CACNA1F: variants seen among roughly 807,000 people sequenced by gnomAD.
The protein encoded by CACNA1F is calcium voltage-gated channel subunit alpha1 F, also known as voltage-dependent L-type calcium channel subunit alpha-1F.
Under a neutral mutation model 143.8 loss-of-function variants are expected in CACNA1F, and 59 were observed. The observed-to-expected ratio is 0.41, with a 90% CI of 0.33 to 0.51. The LOEUF (loss-of-function observed/expected upper bound fraction) is 0.51. CACNA1F is among the 20% of genes least tolerant of loss of function. CACNA1F has a pLI of 0.22. For synonymous variants in CACNA1F, 643 were observed against 649.1 expected (o/e 0.99, Z 0.14); for missense variants, 1,411 against 1,647.5 (o/e 0.86, Z 2.48).
At position 49,222,912 on chromosome X, in the gene CACNA1F, T is replaced by C. The variant is rs967656373; in HGVS notation, c.2085+17A>G. On this transcript the variant is annotated intron_variant, in intron 15 of 47. Transcript: ENST00000323022. ...GGGTCTCCCCGACCCACCCATCCCA[T>C]GGTCTCCAGATCCTACCTGAAAGAC... 3.9e-6 allele frequency: 2 copies of C among 511,587 alleles called. No homozygotes were observed. Among genetic ancestry groups the C allele is most frequent in the African/African-American group, 4.9e-5 (2 of 40,574 alleles). The allele number at this position is 511,587 out of a possible 1,213,427, so 42.2% of individuals were successfully genotyped here.
At chrX:49,225,009 G>T in intron 13 of CACNA1F, 23 bp from the exon 14 acceptor site, 1 of 1,066,815 alleles carries the variant, frequency 9.4e-7, no homozygotes, top group Non-Finnish European at 1.3e-6. Context: ...AGGCAGGGAT[G>T]ATCGGGCTGG....
At chrX:49,221,282 C>A (rs2904024) in intron 17 of CACNA1F, among the ~76,000 whole-genome samples, 17 of 111,911 alleles carry the variant, frequency 1.5e-4, no homozygotes, top group Non-Finnish European at 5.7e-5. Context: ...AACCCTCCCA[C>A]GTCTCCTTAA....
intron 2 of CACNA1F, 51 bp downstream of exon 2, chrX:49,231,627 G>A: frequency 8.4e-7 from 1 of 1,197,163 alleles, no homozygotes; most frequent in Non-Finnish European, 1.1e-6. Flanking sequence ...CTTTACTCCT[G>A]GTACCCTGAT....
In CACNA1F at chrX:49,218,484, G is replaced by A. The variant is rs1557107966; in HGVS notation, c.2899C>T (p.Arg967Ter). Reference sequence around the variant, plus strand: ...AGTCCCTTGGCCCTGTTGATGGCTCGGAGGGGCCGCAGTACTCGGAGTACT... The same window carrying A: ...AGTCCCTTGGCCCTGTTGATGGCTCAGAGGGGCCGCAGTACTCGGAGTACT... ...LRVLRVLRPL[R>*]AINRAKGLKH... The change falls in exon 24 of 48, where the codon CGA (arginine) becomes TGA (stop). Residue 967 changes from arginine to a stop codon, truncating the protein, a stop_gained. Transcript: ENST00000323022. LOFTEE classifies it high-confidence loss of function. 3.4e-6 allele frequency: 4 copies of A among 1,183,972 alleles called. No individual in the cohort carries two copies. The highest frequency in any genetic ancestry group is 3.1e-5 in the East Asian group (1 of 32,370).
At chrX:49,223,222 T>C in intron 14 of CACNA1F, 86 bp from the exon 15 acceptor site, 3 of 605,076 alleles carry the variant, frequency 5.0e-6, no homozygotes, top group Admixed American at 2.7e-5. Context: ...GGGCTCCAGC[T>C]TGAGATGCAC....
intron 27 of CACNA1F, among the ~76,000 whole-genome samples, 186 bp from the exon 28 acceptor site, chrX:49,215,729 G>T (rs1191932513): frequency 9.2e-6 from 1 of 108,662 alleles, no homozygotes; most frequent in African/African-American, 3.4e-5. Flanking sequence ...CCTCTACCAG[G>T]CCCTCAAAGA....
Position 49,215,337 on chromosome X carries a change from G to T in CACNA1F, c.3438+5C>A, listed in dbSNP as rs2147902751. 1.6e-5 allele frequency: 19 copies of T among 1,209,881 alleles called. No homozygotes were observed. Among genetic ancestry groups the T allele is most frequent in the Non-Finnish European group, 2.1e-5 (19 of 894,281 alleles). On this transcript the variant is annotated splice_donor_5th_base_variant and intron_variant, in intron 28 of 47. Coordinates refer to ENST00000323022, the MANE Select transcript of CACNA1F (RefSeq NM_001256789.3). ...ATCCATAGGGGGTCAGGGGTCAGAG[G>T]TCACCTGGTTCTTGTCCAGCTCACA...
chrX:49,209,795 G>T, intron 40 of CACNA1F, 36 bp from the exon 41 acceptor site: 1 of 1,208,231 alleles, frequency 8.3e-7, no homozygotes, highest in Non-Finnish European at 1.1e-6. Context: ...ATCACACAGG[G>T]GCCCTCTGAC....
chrX:49,208,162 C>A (rs2065617326), intron 43 of CACNA1F, among the ~76,000 whole-genome samples: 1 of 99,588 alleles, frequency 1.0e-5, no homozygotes, highest in African/African-American at 3.8e-5. Flanking sequence ...TGTGCCACTG[C>A]ACTCCAGCCT....
chrX:49,205,858 G>A (rs782668732), intron 46 of CACNA1F, 45 bp from the exon 47 acceptor site: 6 of 1,097,830 alleles, frequency 5.5e-6, no homozygotes, highest in African/African-American at 1.8e-5. Flanking sequence ...GATGAGTAGG[G>A]TATGAGGGTC....
At chrX:49,230,829 G>T in intron 4 of CACNA1F, 21 bp downstream of exon 4, 1 of 1,169,941 alleles carries the variant, frequency 8.5e-7, no homozygotes, top group Non-Finnish European at 1.1e-6. Context: ...CTAGGGTGGG[G>T]TGCCTCCCGC....
At position 49,230,390 on chromosome X, in the gene CACNA1F, G is replaced by A; in HGVS notation, c.665-18C>T. On this transcript the variant is annotated intron_variant, in intron 5 of 47. Transcript: ENST00000323022. ...GTGCAGGCCTGCGGGGAGGGAGGGG[G>A]AGGCAGAAATAAGGGCGGGGTCAGC... The A allele has an allele frequency of 1.7e-6, 2 of 1,208,968 alleles. No homozygotes were observed. The highest frequency in any genetic ancestry group is 2.2e-6 in the Non-Finnish European group (2 of 893,732).
At position 49,226,446 on chromosome X, in the gene CACNA1F, C is replaced by T; in HGVS notation, c.1426G>A (p.Glu476Lys). The T allele has an allele frequency of 8.4e-7, 1 of 1,190,629 alleles. No homozygotes were observed. Among genetic ancestry groups the T allele is most frequent in the South Asian group, 1.8e-5 (1 of 54,208 alleles). ...CAGCTGGCCAGAGCCCCCTCCTCCT[C>T]ATCCTCATCGCCTTGGGTCTCTGTC... ...SMTETQGDEDEEEGALASCTR... is the reference protein window; with the variant it reads ...SMTETQGDEDKEEGALASCTR... The change falls in exon 11 of 48, where the codon GAG becomes AAG. Residue 476 changes from glutamate (E) to lysine (K), a missense_variant. Glu to Lys is a moderately conservative substitution (Grantham distance 56, BLOSUM62 1). Around this residue, in one of 3 missense-constraint regions of CACNA1F, gnomAD observed 950 missense variants for 1,128.1 expected, o/e 0.84. Transcript: ENST00000323022.
intron 3 of CACNA1F, 59 bp downstream of exon 3, chrX:49,231,143 A>G (rs2065874729): frequency 2.3e-6 from 2 of 876,445 alleles, no homozygotes; most frequent in Non-Finnish European, 3.3e-6. Flanking sequence ...GGCTGGAAGG[A>G]GTGAGCTCTA....
At position 49,223,236 on chromosome X, in the gene CACNA1F, G is replaced by A. The variant is rs148922158; in HGVS notation, c.1878-100C>T. On this transcript the variant is annotated intron_variant, in intron 14 of 47. Coordinates refer to ENST00000323022, the MANE Select transcript of CACNA1F (RefSeq NM_001256789.3). ...AGGGCTCCAGCTTGAGATGCACCTC[G>A]GCAGGTTGGGCTCAAATAGGCTTTG... 277 of 538,303 alleles carry A rather than the reference G, an allele frequency of 5.1e-4. 1 individual carries two copies. The highest frequency in any genetic ancestry group is 3.9e-3 in the South Asian group (152 of 38,538). The allele number at this position is 538,303 out of a possible 1,213,427, so 44.4% of individuals were successfully genotyped here.
chrX:49,220,954 C>A (rs371947969), intron 18 of CACNA1F, 81 bp downstream of exon 18: 12 of 863,263 alleles, frequency 1.4e-5, no homozygotes, highest in African/African-American at 3.9e-5. Context: ...AAAACAACAA[C>A]AACAAAAAAA....
chrX:49,205,542 T>C (rs1472892548), intron 47 of CACNA1F, 74 bp downstream of exon 47: 1 of 1,054,099 alleles, frequency 9.5e-7, no homozygotes, highest in Non-Finnish European at 1.3e-6. Flanking sequence ...TGGGGACTCC[T>C]TTCCGTCCTC....
Position 49,224,632 on chromosome X carries a change from GCACA to G in CACNA1F, c.1877+125_1877+128del. On this transcript the variant is annotated intron_variant, in intron 14 of 47. Transcript: ENST00000323022. ...TCCCTAGGGCTTGGTAGGGTGCCTG[GCACA>G]CAGCAGGCACTCAATGGATGTCTGC... 9.4e-6 allele frequency: 5 copies of G among 530,466 alleles called. No individual in the cohort carries two copies. The South Asian group carries it at 1.3e-4, about 13-fold the overall frequency. The allele number at this position is 530,466 out of a possible 1,213,427, so 43.7% of individuals were successfully genotyped here.
Position 49,219,635 on chromosome X carries a change from G to T in CACNA1F, c.2542C>A (p.Pro848Thr). The T allele has an allele frequency of 8.3e-7, 1 of 1,202,144 alleles. No homozygotes were observed. Among genetic ancestry groups the T allele is most frequent in the Non-Finnish European group, 1.1e-6 (1 of 890,547 alleles). The part of the protein sequence containing the change: ...SAFFCLSQTN[P>T]LRKGCHTLIH... Reference sequence around the variant, plus strand: ...CCCCCTGCCACTTCCGGCACTCACGGGTTGGTTTGGCTGAGGCAGAAGAAG... The same window carrying T: ...CCCCCTGCCACTTCCGGCACTCACGTGTTGGTTTGGCTGAGGCAGAAGAAG... Residue 848 changes from proline (P) to threonine (T), a missense_variant and splice_region_variant, in exon 20 of 48, where the codon CCG becomes ACG. Around this residue, in one of 3 missense-constraint regions of CACNA1F, gnomAD observed 950 missense variants for 1,128.1 expected, o/e 0.84. Transcript: ENST00000323022.
Sources: gnomAD v4.1 joint callset for allele counts (sites outside exome capture counted in the v4.1 genomes callset) on GRCh38, gnomAD v4.1.1 for gene constraint, gnomAD v4.1.1 regional missense constraint, MANE v1.5 for transcripts, NCBI Gene and HGNC (gene_info 2026-07-23, HGNC 2026-07-21) for gene names.